Variants in MARCHF10 observed in about 807,000 individuals in gnomAD.
MARCHF10 encodes membrane associated ring-CH-type finger 10, also known as probable E3 ubiquitin-protein ligase MARCHF10.
Under a neutral mutation model 76.2 loss-of-function variants are expected in MARCHF10, and 64 were observed. The ratio of observed to expected loss-of-function variants is 0.84; its 90% CI spans 0.69 to 1.03. The LOEUF (loss-of-function observed/expected upper bound fraction) is 1.03. Ranked by LOEUF, MARCHF10 falls within the 50% of genes least tolerant of loss-of-function variation. The pLI is 0.00. For synonymous variants in MARCHF10, 340 were observed against 357.5 expected (o/e 0.95, Z 0.55); for missense variants, 875 against 958.0 (o/e 0.91, Z 1.14).
intron 3 of MARCHF10, among the ~76,000 whole-genome samples, chr17:62,772,458 T>C (rs1309327420): frequency 6.6e-6 from 1 of 152,114 alleles, no homozygotes; most frequent in Non-Finnish European, 1.5e-5. Flanking sequence ...CTAATTACAA[T>C]GCACAAAAGG....
intron 7 of MARCHF10, among the ~76,000 whole-genome samples, 158 bp downstream of exon 7, chr17:62,724,780 A>G (rs1389484627): frequency 6.6e-6 from 1 of 152,250 alleles, no homozygotes; most frequent in African/African-American, 2.4e-5. Context: ...GTTTAAAGAC[A>G]GCTTTTATGA....
At chr17:62,714,832 G>T (rs144710393) in intron 8 of MARCHF10, among the ~76,000 whole-genome samples, 1 of 149,682 alleles carries the variant, frequency 6.7e-6, no homozygotes, top group Non-Finnish European at 1.5e-5. Context: ...TGCAACCTCC[G>T]CCTCCCAGGT....
Position 62,738,276 on chromosome 17 carries a change from AC to A in MARCHF10, c.536-945del, listed in dbSNP as rs983112175. 6.6e-5 allele frequency among the ~76,000 whole-genome samples: 10 copies of A among 151,956 alleles called. No individual in the cohort carries two copies. Among genetic ancestry groups the A allele is most frequent in the African/African-American group, 2.2e-4 (9 of 41,356 alleles). On this transcript the variant is annotated intron_variant, in intron 5 of 10. Coordinates refer to ENST00000311269, the MANE Select transcript of MARCHF10 (RefSeq NM_152598.4). This position sits in a 1 kb window ranked among gnomAD's most constrained non-coding sequence, Gnocchi z 4.0. Reference sequence around the variant, plus strand: ...ACTAGGGTTTGTGTTCTTAACCACCACCCTGTGTTAGCCCTTAAGAAACTGG... The same window carrying A: ...ACTAGGGTTTGTGTTCTTAACCACCACCTGTGTTAGCCCTTAAGAAACTGG...
In MARCHF10 at chr17:62,705,528, C is replaced by G. The variant is rs781286170; in HGVS notation, c.2371+11G>C. The G allele has an allele frequency of 6.2e-7, 1 of 1,614,134 alleles. No homozygotes were observed. The highest frequency in any genetic ancestry group is 1.7e-5 in the Admixed American group (1 of 59,998). ...ACCCTCAAAATGGCAGGACTGGCCC[C>G]CAAAACCTACTTTCATTTTCCTCTG... On this transcript the variant is annotated intron_variant, in intron 10 of 10. Transcript: ENST00000311269.
intron 8 of MARCHF10, among the ~76,000 whole-genome samples, chr17:62,714,221 G>A (rs1444978353): frequency 6.6e-6 from 1 of 152,202 alleles, no homozygotes; most frequent in African/African-American, 2.4e-5. Flanking sequence ...GTGAGCAGGG[G>A]CCCCTGGAGT....
chr17:62,724,889 T>G, intron 7 of MARCHF10, 49 bp downstream of exon 7: 2 of 1,601,052 alleles, frequency 1.2e-6, no homozygotes, highest in Non-Finnish European at 1.7e-6. Flanking sequence ...TGGTGCCTCA[T>G]GTTAATTACA....
chr17:62,793,591 C>T (rs1333893269), intron 2 of MARCHF10, among the ~76,000 whole-genome samples: 8 of 143,850 alleles, frequency 5.6e-5, no homozygotes, highest in Non-Finnish European at 9.2e-5. Context: ...CATCACCACC[C>T]ACCACCACCT....
chr17:62,803,926 CTA>C (rs529832837), intron 1 of MARCHF10, among the ~76,000 whole-genome samples: 6 of 152,192 alleles, frequency 3.9e-5, no homozygotes, highest in Non-Finnish European at 7.3e-5. Context: ...CACTAGATCT[CTA>C]TTTCGCAGGT....
In MARCHF10 at chr17:62,736,014, C is replaced by A; in HGVS notation, c.1854G>T (p.Arg618Ser). The change falls in exon 6 of 11, where the codon AGG becomes AGT. Residue 618 changes from arginine (R) to serine (S), a missense_variant. Arg to Ser is a moderately radical substitution (Grantham distance 110, BLOSUM62 -1). Transcript: ENST00000311269. ...CATCTGTGAAACCAGAGGCTGCCATCCTGCTCCCATTATCATTTTGATTTG... is the reference window on the plus strand; with the variant it reads ...CATCTGTGAAACCAGAGGCTGCCATACTGCTCCCATTATCATTTTGATTTG... ...HFPNQNDNGS[R>S]MAASGFTDEK... 6.2e-7 allele frequency: 1 copy of A among 1,614,156 alleles called. No individual in the cohort carries two copies. Among genetic ancestry groups the A allele is most frequent in the Non-Finnish European group, 8.5e-7 (1 of 1,180,040 alleles).
rs1263295053 is a variant in MARCHF10 at position 62,712,506 on chromosome 17, C to A, written c.2215-1162G>T. Among the ~76,000 whole-genome samples, 2 of 152,206 alleles carry A rather than the reference C, an allele frequency of 1.3e-5. No homozygotes were observed. Among genetic ancestry groups the A allele is most frequent in the Non-Finnish European group, 2.9e-5 (2 of 68,034 alleles). ...TGCCAGAAAAGGCACAGAAGTTGAG[C>A]AAGGATTGATATGCTCTTCCTTCTG... On this transcript the variant is annotated intron_variant, in intron 8 of 10. Coordinates refer to ENST00000311269, the MANE Select transcript of MARCHF10 (RefSeq NM_152598.4). The surrounding 1 kb of genome is among the most constrained non-coding windows in gnomAD (Gnocchi z 4.2).
At chr17:62,763,622 A>C (rs758353092) in intron 3 of MARCHF10, among the ~76,000 whole-genome samples, 1 of 152,108 alleles carries the variant, frequency 6.6e-6, no homozygotes, top group African/African-American at 2.4e-5. Context: ...TTGAAATGTC[A>C]CTTGGAGGTG....
intron 10 of MARCHF10, chr17:62,705,260 CAA>C: frequency 7.2e-7 from 1 of 1,388,160 alleles, no homozygotes; most frequent in Non-Finnish European, 9.3e-7. Context: ...GGAAAAGGAA[CAA>C]ATCTTATCTC....
At chr17:62,772,479 G>A (rs943281599) in intron 3 of MARCHF10, among the ~76,000 whole-genome samples, 3 of 152,270 alleles carry the variant, frequency 2.0e-5, no homozygotes, top group Non-Finnish European at 4.4e-5. Context: ...AAAAAGGAAG[G>A]GCCACACTGG....
At chr17:62,709,587 A>G (rs2089800408) in intron 9 of MARCHF10, among the ~76,000 whole-genome samples, 1 of 152,228 alleles carries the variant, frequency 6.6e-6, no homozygotes, top group South Asian at 2.1e-4. Flanking sequence ...GTTCTGGTAG[A>G]TGAAGGAGAG....
At chr17:62,769,553 A>G (rs1027973676) in intron 3 of MARCHF10, among the ~76,000 whole-genome samples, 2 of 152,120 alleles carry the variant, frequency 1.3e-5, no homozygotes, top group African/African-American at 4.8e-5. Flanking sequence ...AGCAGGTACT[A>G]TAGGTGCACG....
At chr17:62,720,795 T>C (rs571338196) in intron 8 of MARCHF10, among the ~76,000 whole-genome samples, 9 of 152,194 alleles carry the variant, frequency 5.9e-5, no homozygotes, top group African/African-American at 1.9e-4. Context: ...CAGCTTAAGA[T>C]TGCTTGTCCA....
At chr17:62,789,687 C>T (rs1408773072) in intron 2 of MARCHF10, among the ~76,000 whole-genome samples, 1 of 152,154 alleles carries the variant, frequency 6.6e-6, no homozygotes, top group Non-Finnish European at 1.5e-5. Flanking sequence ...CCTGTAATCC[C>T]AGCACTTTGG....
intron 7 of MARCHF10, among the ~76,000 whole-genome samples, chr17:62,724,080 G>A (rs2090630660): frequency 6.6e-6 from 1 of 152,126 alleles, no homozygotes; most frequent in Admixed American, 6.5e-5. Context: ...GGAAGACGGG[G>A]AGAAATAGGA....
At chr17:62,764,918 C>G (rs779116591) in intron 3 of MARCHF10, among the ~76,000 whole-genome samples, 3 of 152,156 alleles carry the variant, frequency 2.0e-5, no homozygotes, top group Non-Finnish European at 4.4e-5. Context: ...TTTGGTCTTT[C>G]TGGACTCAGG....
Sources: allele counts gnomAD v4.1 joint callset (sites outside exome capture counted in the v4.1 genomes callset), GRCh38; gene constraint gnomAD v4.1.1; non-coding constraint Gnocchi (gnomAD v3.1); transcripts MANE v1.5; gene names NCBI Gene and HGNC (gene_info 2026-07-23, HGNC 2026-07-21).